Variants in SLC35F3 observed in about 807,000 individuals in gnomAD.
SLC35F3 encodes the protein putative thiamine transporter SLC35F3.
In SLC35F3, 25 loss-of-function variants were observed where a neutral mutation model predicts 49.9. The observed-to-expected ratio is 0.50, with a 90% confidence interval of 0.37 to 0.70. SLC35F3 has a LOEUF of 0.70. SLC35F3 is among the 30% of genes least tolerant of loss of function. The pLI is 0.00. For synonymous variants in SLC35F3, 275 were observed against 265.4 expected (o/e 1.04, Z -0.35); for missense variants, 525 against 639.8 (o/e 0.82, Z 1.94).
chr1:234,270,392 GTTATC>G (rs1668079140), intron 3 of SLC35F3, among the ~76,000 whole-genome samples: 1 of 152,140 alleles, frequency 6.6e-6, no homozygotes, highest in Non-Finnish European at 1.5e-5. Flanking sequence ...AAATTCTCAG[GTTATC>G]TTATCTTCTC....
intron 3 of SLC35F3, among the ~76,000 whole-genome samples, chr1:234,289,506 A>G (rs1018421487): frequency 6.6e-6 from 1 of 152,168 alleles, no homozygotes; most frequent in African/African-American, 2.4e-5. Context: ...CCACACATCA[A>G]AGGAGACTGG....
At chr1:234,184,772 A>G (rs941917895) in intron 2 of SLC35F3, among the ~76,000 whole-genome samples, 1 of 152,206 alleles carries the variant, frequency 6.6e-6, no homozygotes, top group Non-Finnish European at 1.5e-5. Context: ...ATGAATAACT[A>G]TTTATTGAAA....
intron 3 of SLC35F3, among the ~76,000 whole-genome samples, chr1:234,299,217 G>T (rs1205389528): frequency 1.3e-5 from 2 of 152,092 alleles, no homozygotes; most frequent in African/African-American, 4.8e-5. Context: ...AGACAAGGAG[G>T]AACCAAACAA....
intron 2 of SLC35F3, among the ~76,000 whole-genome samples, chr1:234,215,395 G>A (rs938296578): frequency 7.2e-5 from 11 of 152,166 alleles, no homozygotes; most frequent in East Asian, 1.9e-4. Flanking sequence ...GGGGGCAGAG[G>A]GCCAGTCCCA....
intron 2 of SLC35F3, among the ~76,000 whole-genome samples, chr1:234,149,616 C>G (rs1202183012): frequency 6.6e-6 from 1 of 152,116 alleles, no homozygotes; most frequent in African/African-American, 2.4e-5. Flanking sequence ...CCTATGAATT[C>G]CTGGACATCT....
chr1:234,051,477 G>C (rs1664375495), intron 2 of SLC35F3, among the ~76,000 whole-genome samples: 1 of 152,132 alleles, frequency 6.6e-6, no homozygotes, highest in South Asian at 2.1e-4. Flanking sequence ...TGTGATTTTT[G>C]CACATTGATT....
At chr1:234,192,882 A>G (rs1666751604) in intron 2 of SLC35F3, among the ~76,000 whole-genome samples, 1 of 152,180 alleles carries the variant, frequency 6.6e-6, no homozygotes, top group Non-Finnish European at 1.5e-5. Context: ...ACTTTGGAAT[A>G]TACCTAAACA....
intron 2 of SLC35F3, among the ~76,000 whole-genome samples, chr1:233,908,587 G>C (rs571302013): frequency 7.0e-6 from 1 of 142,884 alleles, no homozygotes; most frequent in African/African-American, 2.6e-5. Flanking sequence ...TGTCACCCAG[G>C]CTGGAGTGCA....
At chr1:234,134,459 T>C (rs1665781787) in intron 2 of SLC35F3, among the ~76,000 whole-genome samples, 1 of 148,482 alleles carries the variant, frequency 6.7e-6, no homozygotes, top group Non-Finnish European at 1.5e-5. Context: ...ATTAAATATG[T>C]ATATTTAATC....
At chr1:233,950,246 C>CGTG (rs1662580768) in intron 2 of SLC35F3, among the ~76,000 whole-genome samples, 1 of 151,444 alleles carries the variant, frequency 6.6e-6, no homozygotes. Context: ...ATTAGCCTGG[C>CGTG]GTGGTGGCAG....
At chr1:234,056,663 C>G (rs1218633410) in intron 2 of SLC35F3, among the ~76,000 whole-genome samples, 1 of 152,176 alleles carries the variant, frequency 6.6e-6, no homozygotes, top group Non-Finnish European at 1.5e-5. Context: ...ATAATGTTTT[C>G]AAGGTTCATC....
chr1:233,974,758 A>G (rs1328473422), intron 2 of SLC35F3, among the ~76,000 whole-genome samples: 1 of 152,244 alleles, frequency 6.6e-6, no homozygotes, highest in Non-Finnish European at 1.5e-5. Context: ...GAGTTTTCTC[A>G]AAAGTCAGAG....
intron 2 of SLC35F3, among the ~76,000 whole-genome samples, chr1:234,154,967 A>G (rs2102910523): frequency 6.6e-6 from 1 of 152,218 alleles, no homozygotes; most frequent in South Asian, 2.1e-4. Context: ...AGGATGCTCA[A>G]GTCTCTTAGG....
chr1:234,007,170 C>A (rs903154615), intron 2 of SLC35F3, among the ~76,000 whole-genome samples: 9 of 151,916 alleles, frequency 5.9e-5, no homozygotes, highest in African/African-American at 2.2e-4. Context: ...AGACAATAAA[C>A]AATAAACCTA....
intron 2 of SLC35F3, among the ~76,000 whole-genome samples, chr1:234,203,355 T>C (rs931114735): frequency 5.3e-5 from 8 of 152,238 alleles, no homozygotes; most frequent in African/African-American, 1.7e-4. Flanking sequence ...CCCATTTTTA[T>C]TCTCATTTGT....
chr1:234,028,390 G>T (rs1572024785), intron 2 of SLC35F3, among the ~76,000 whole-genome samples: 2 of 152,194 alleles, frequency 1.3e-5, no homozygotes, highest in Non-Finnish European at 2.9e-5. Flanking sequence ...GAGTTTCTGG[G>T]TGCTGTCGTG....
At chr1:234,132,240 C>T (rs1665747529) in intron 2 of SLC35F3, among the ~76,000 whole-genome samples, 1 of 152,192 alleles carries the variant, frequency 6.6e-6, no homozygotes, top group Non-Finnish European at 1.5e-5. Context: ...TATTATATAA[C>T]ATCCTGCTTC....
intron 2 of SLC35F3, among the ~76,000 whole-genome samples, chr1:233,975,117 G>T (rs1284147842): frequency 6.6e-6 from 1 of 151,434 alleles, no homozygotes; most frequent in African/African-American, 2.4e-5. Context: ...GAGAGTCAGA[G>T]TCAGGAAGTC....
At chr1:233,964,339 G>A (rs1558191205) in intron 2 of SLC35F3, among the ~76,000 whole-genome samples, 1 of 152,206 alleles carries the variant, frequency 6.6e-6, no homozygotes, top group Non-Finnish European at 1.5e-5. Context: ...CTCTTCTGAA[G>A]TGGCCTGGGG....
Sources: allele counts gnomAD v4.1 joint callset (sites outside exome capture counted in the v4.1 genomes callset), GRCh38; gene constraint gnomAD v4.1.1; transcripts MANE v1.5; gene names NCBI Gene and HGNC (gene_info 2026-07-23, HGNC 2026-07-21).